Variants in CAST observed in about 807,000 individuals in gnomAD.
The protein encoded by CAST is MIR583 host.
CAST carries 76 observed loss-of-function variants against 119.6 expected under a neutral mutation model. The observed-to-expected ratio is 0.64, with a 90% CI of 0.53 to 0.77. CAST has a LOEUF of 0.77. Among genes scored for constraint, CAST ranks in the 30% least tolerant of loss-of-function variants. CAST has a pLI of 0.00. For missense variants in CAST, 953 were observed against 946.5 expected (o/e 1.01, Z -0.09); for synonymous variants, 319 against 331.6 (o/e 0.96, Z 0.41).
chr5:96,159,660 AT>A, the CAST span, among the ~76,000 whole-genome samples: 4 of 151,990 alleles, frequency 2.6e-5, no homozygotes, highest in African/African-American at 7.2e-5. Context: ...TATAAACTTA[AT>A]TTTTTTTAGA....
the CAST span, among the ~76,000 whole-genome samples, chr5:96,211,231 T>G: frequency 6.6e-6 from 1 of 152,026 alleles, no homozygotes; most frequent in Non-Finnish European, 1.5e-5. Flanking sequence ...GCAGATGTCT[T>G]TGTTTTATTT....
At chr5:96,716,601 ATGT>A (rs1757229328) in intron 3 of CAST, among the ~76,000 whole-genome samples, 2 of 152,196 alleles carry the variant, frequency 1.3e-5, no homozygotes, top group Non-Finnish European at 2.9e-5. Flanking sequence ...TGTTTTATAA[ATGT>A]TGTGAGGAAA....
the CAST span, among the ~76,000 whole-genome samples, chr5:96,491,329 A>AC: frequency 2.5e-5 from 1 of 40,436 alleles, no homozygotes; most frequent in Non-Finnish European, 1.3e-4. Context: ...ACTAAAAAAT[A>AC]CAAAAAAAAA....
At chr5:96,334,209 T>C in the CAST span, among the ~76,000 whole-genome samples, 5 of 152,160 alleles carry the variant, frequency 3.3e-5, no homozygotes, top group African/African-American at 7.2e-5. Context: ...GTAGCAGTCA[T>C]TATTGGAGGT....
At chr5:96,743,735 T>A (rs1174794088) in intron 16 of CAST, 1 of 1,596,864 alleles carries the variant, frequency 6.3e-7, no homozygotes, top group East Asian at 2.3e-5. Context: ...AGTTCGTATC[T>A]TCCAGGACCA....
the CAST span, among the ~76,000 whole-genome samples, chr5:95,984,480 C>T: frequency 6.6e-6 from 1 of 151,586 alleles, no homozygotes; most frequent in Non-Finnish European, 1.5e-5. Context: ...AATGACTCAG[C>T]CAGACAAGAA....
chr5:96,417,114 C>A, the CAST span, among the ~76,000 whole-genome samples: 4 of 152,172 alleles, frequency 2.6e-5, no homozygotes, highest in Non-Finnish European at 5.9e-5. Flanking sequence ...TAATGTTGGC[C>A]AGTTACATTT....
chr5:96,640,687 T>C (rs763449590), intron 1 of CAST, among the ~76,000 whole-genome samples: 5 of 152,204 alleles, frequency 3.3e-5, no homozygotes, highest in Non-Finnish European at 7.3e-5. Context: ...CGGGGAGTTA[T>C]GGAGATGGAA....
the CAST span, among the ~76,000 whole-genome samples, chr5:96,214,199 A>G: frequency 6.6e-6 from 1 of 152,214 alleles, no homozygotes; most frequent in African/African-American, 2.4e-5. Context: ...TGTAACTTAT[A>G]ATGAAATATG....
intron 1 of CAST, among the ~76,000 whole-genome samples, chr5:96,604,349 A>C (rs745523223): frequency 4.6e-5 from 7 of 152,222 alleles, no homozygotes; most frequent in Admixed American, 1.3e-4. Context: ...TGATGAATAA[A>C]TTGGTTCCTA....
At chr5:96,741,689 C>T (rs977372550) in intron 15 of CAST, 109 bp downstream of exon 15, 5 of 710,846 alleles carry the variant, frequency 7.0e-6, no homozygotes, top group Admixed American at 5.1e-5. Context: ...GATTTTTTCC[C>T]TCTCAGGTCT....
chr5:95,968,503 G>A, the CAST span, among the ~76,000 whole-genome samples: 63 of 152,134 alleles, frequency 4.1e-4, no homozygotes, highest in African/African-American at 1.3e-3. Flanking sequence ...CATATCTGTC[G>A]CTTATTTAAT....
At chr5:96,112,490 T>C in the CAST span, among the ~76,000 whole-genome samples, 1 of 152,242 alleles carries the variant, frequency 6.6e-6, no homozygotes, top group African/African-American at 2.4e-5. Context: ...TGTATTTGAC[T>C]TATTTAAAGT....
chr5:96,636,889 G>A lies in CAST; in HGVS notation c.61-38650G>A, dbSNP rs567265282. On this transcript the variant is annotated intron_variant, in intron 1 of 11. Transcript: ENST00000505143. ...AGCCACATCTAACATCACATCACTC[G>A]TGGGGAGCAGAAGGATAAGGGTTGG... Among the ~76,000 whole-genome samples the A allele has an allele frequency of 7.3e-4, 110 of 151,710 alleles. 1 individual carries two copies. Among genetic ancestry groups the A allele is most frequent in the Middle Eastern group, 3.4e-3 (1 of 294 alleles).
chr5:96,094,812 C>G, the CAST span, among the ~76,000 whole-genome samples: 1 of 152,168 alleles, frequency 6.6e-6, no homozygotes, highest in Non-Finnish European at 1.5e-5. Context: ...CATTGGTTCT[C>G]TACGGTTTGG....
chr5:96,164,137 C>G, the CAST span, among the ~76,000 whole-genome samples: 6 of 152,146 alleles, frequency 3.9e-5, no homozygotes, highest in Non-Finnish European at 7.4e-5. Flanking sequence ...TCTCTACGCT[C>G]TCTCTCACAT....
At chr5:95,983,852 A>T in the CAST span, among the ~76,000 whole-genome samples, 33 of 152,220 alleles carry the variant, frequency 2.2e-4, 1 homozygote, top group Admixed American at 1.9e-3. Flanking sequence ...TACAATAAAC[A>T]TGCTGATTTT....
chr5:96,294,385 C>G, the CAST span, among the ~76,000 whole-genome samples: 1 of 152,206 alleles, frequency 6.6e-6, no homozygotes. Flanking sequence ...TTTTAGAAGT[C>G]TTTTCCTGGA....
the CAST span, among the ~76,000 whole-genome samples, chr5:96,492,686 C>G: frequency 6.6e-6 from 1 of 152,202 alleles, no homozygotes; most frequent in Admixed American, 6.5e-5. Context: ...TCTTCCCACC[C>G]TCCTGTCATC....
Sources: gnomAD v4.1 joint callset for allele counts (sites outside exome capture counted in the v4.1 genomes callset) on GRCh38, gnomAD v4.1.1 for gene constraint, MANE v1.5 for transcripts, NCBI Gene and HGNC (gene_info 2026-07-23, HGNC 2026-07-21) for gene names.